The following ATXN1 variants were observed in gnomAD, a reference collection of about 807,000 sequenced individuals.
ATXN1 encodes the protein ataxin-1.
ATXN1 carries 8 observed loss-of-function variants against 56.4 expected under a neutral mutation model. The observed-to-expected ratio is 0.14, with a 90% CI of 0.08 to 0.26. ATXN1 has a LOEUF of 0.26. ATXN1 is among the 10% of genes least tolerant of loss of function. The pLI, the probability that ATXN1 is intolerant of heterozygous loss-of-function variation, is 1.00. For missense variants in ATXN1, 987 were observed against 1,106.5 expected, an observed-to-expected ratio of 0.89 and a Z score of 1.53; for synonymous variants, 514 against 494.6, an observed-to-expected ratio of 1.04 and a Z score of -0.52.
chr6:16,656,633 A>G (rs963721794), intron 3 of ATXN1, among the ~76,000 whole-genome samples: 2 of 152,194 alleles, frequency 1.3e-5, no homozygotes, highest in Non-Finnish European at 2.9e-5. Flanking sequence ...GTATACTTAA[A>G]AGTTACTCAG....
chr6:16,312,820 T>TAAA (rs1760427768), intron 7 of ATXN1, among the ~76,000 whole-genome samples: 1 of 151,518 alleles, frequency 6.6e-6, no homozygotes, highest in Admixed American at 6.6e-5. Flanking sequence ...TCTCCCCCCA[T>TAAA]ACCCCCCTCC....
intron 2 of ATXN1, among the ~76,000 whole-genome samples, chr6:16,721,375 C>T (rs983230776): frequency 1.3e-5 from 2 of 152,162 alleles, no homozygotes; most frequent in Non-Finnish European, 2.9e-5. Context: ...CCTATAATCC[C>T]AGCACTTTGG....
chr6:16,590,605 T>C (rs1020423560), intron 3 of ATXN1, among the ~76,000 whole-genome samples: 3 of 152,182 alleles, frequency 2.0e-5, no homozygotes, highest in South Asian at 4.1e-4. Context: ...ATTTTTCTGA[T>C]TGAGGCTTTT....
At chr6:16,308,905 T>G (rs1760320641) in intron 7 of ATXN1, among the ~76,000 whole-genome samples, 1 of 151,956 alleles carries the variant, frequency 6.6e-6, no homozygotes, top group African/African-American at 2.4e-5. Context: ...GCTTGAGAAT[T>G]TTGATAGGAA....
chr6:16,326,396 G>T lies in ATXN1; in HGVS notation c.1915C>A (p.Gln639Lys). 2 of 1,612,932 alleles carry T rather than the reference G, an allele frequency of 1.2e-6. No individual in the cohort carries two copies. Among genetic ancestry groups the T allele is most frequent in the Non-Finnish European group, 8.5e-7 (1 of 1,179,462 alleles). Residue 639 changes from glutamine to lysine, a missense_variant and splice_region_variant, in exon 7 of 8, where the codon CAG becomes AAG. Gln to Lys is a moderately conservative substitution (Grantham distance 53). Transcript: ENST00000436367. This position sits in a 1 kb window ranked among gnomAD's most constrained non-coding sequence, Gnocchi z 6.6. Reference sequence around the variant, plus strand: ...TGTGCCACCCTGGCTAACGTTACCTGGGCTCGGTGCTCCCCGACGGCGAAC... The same window carrying T: ...TGTGCCACCCTGGCTAACGTTACCTTGGCTCGGTGCTCCCCGACGGCGAAC... ...IQFAVGEHRA[Q>K]VSVEVLVEYP...
At chr6:16,324,776 G>A (rs1036152805) in intron 7 of ATXN1, among the ~76,000 whole-genome samples, 3 of 152,214 alleles carry the variant, frequency 2.0e-5, no homozygotes, top group African/African-American at 4.8e-5. Flanking sequence ...GAAGGAGCCT[G>A]TGGAAATTAA....
intron 6 of ATXN1, among the ~76,000 whole-genome samples, chr6:16,464,850 T>A (rs530755035): frequency 1.3e-5 from 2 of 152,070 alleles, no homozygotes; most frequent in Admixed American, 6.5e-5. Context: ...AAACACAGAA[T>A]GTACAACAGG....
intron 1 of ATXN1, among the ~76,000 whole-genome samples, chr6:16,757,433 T>C (rs1206937480): frequency 2.0e-5 from 3 of 152,358 alleles, no homozygotes; most frequent in Non-Finnish European, 4.4e-5. Flanking sequence ...TTGTGTAATA[T>C]TGACATCCTT....
rs1760989775 is a variant in ATXN1, at chr6:16,506,892, T to C, written c.-299+15735A>G. Among the ~76,000 whole-genome samples, 1 of 152,188 alleles carries C rather than the reference T, an allele frequency of 6.6e-6. No individual in the cohort carries two copies. The highest frequency in any genetic ancestry group is 1.5e-5 in the Non-Finnish European group (1 of 68,036). On this transcript the variant is annotated intron_variant, in intron 5 of 7. Transcript: ENST00000436367. This position sits in a 1 kb window ranked among gnomAD's most constrained non-coding sequence, Gnocchi z 4.1. ...ACGCCATGTAATGAGTTGACACCACTGAAATAAACCAAAGGATGTAGGGAT... is the reference window on the plus strand; with the variant it reads ...ACGCCATGTAATGAGTTGACACCACCGAAATAAACCAAAGGATGTAGGGAT...
chr6:16,454,150 A>C (rs1021207566), intron 6 of ATXN1, among the ~76,000 whole-genome samples: 2 of 150,226 alleles, frequency 1.3e-5, no homozygotes, highest in African/African-American at 4.9e-5. Flanking sequence ...AAAAAAAAAA[A>C]AAAACAGAAG....
chr6:16,737,201 G>C (rs1412329228), intron 2 of ATXN1: 1 of 152,200 alleles, frequency 6.6e-6, no homozygotes, highest in Non-Finnish European at 1.5e-5. Context: ...GCCTGGTTCA[G>C]AAACTTTGCT....
chr6:16,615,312 T>C (rs1475428300), intron 3 of ATXN1: 1 of 151,274 alleles, frequency 6.6e-6, no homozygotes. Context: ...CTTTTTGTCA[T>C]CATCGCATCT....
intron 5 of ATXN1, among the ~76,000 whole-genome samples, chr6:16,491,629 G>A (rs1760667801): frequency 6.6e-6 from 1 of 151,998 alleles, no homozygotes; most frequent in Non-Finnish European, 1.5e-5. Context: ...TATTATGATA[G>A]ACCAAATTCT....
At chr6:16,355,101 A>ACTCTGGGGCAGTTGAACTGC (rs1432186956) in intron 6 of ATXN1, among the ~76,000 whole-genome samples, 2 of 152,118 alleles carry the variant, frequency 1.3e-5, no homozygotes, top group Non-Finnish European at 2.9e-5. Context: ...GAACTGTTTA[A>ACTCTGGGGCAGTTGAACTGC]CTCTGGGGCA....
chr6:16,639,198 G>A (rs569120336), intron 3 of ATXN1, among the ~76,000 whole-genome samples: 23 of 152,260 alleles, frequency 1.5e-4, no homozygotes, highest in East Asian at 1.9e-4. Context: ...GAGACAACCC[G>A]CTCGGGTCCC....
chr6:16,368,296 A>ATG (rs1353289968), intron 6 of ATXN1, among the ~76,000 whole-genome samples: 1 of 146,872 alleles, frequency 6.8e-6, no homozygotes, highest in Non-Finnish European at 1.5e-5. Flanking sequence ...AACCACTTTT[A>ATG]TGTGAGAGAA....
At chr6:16,467,755 A>G (rs1408835235) in intron 6 of ATXN1, among the ~76,000 whole-genome samples, 1 of 152,226 alleles carries the variant, frequency 6.6e-6, no homozygotes, top group Non-Finnish European at 1.5e-5. Flanking sequence ...TTAATGTAGG[A>G]GTATGAAAAA....
chr6:16,566,779 C>A (rs1762230556), intron 4 of ATXN1, among the ~76,000 whole-genome samples: 1 of 152,042 alleles, frequency 6.6e-6, no homozygotes, highest in Admixed American at 6.5e-5. Flanking sequence ...TCGCTTGAAT[C>A]TGGGAGGCAA....
At chr6:16,484,387 T>C (rs1760498935) in intron 6 of ATXN1, among the ~76,000 whole-genome samples, 1 of 152,110 alleles carries the variant, frequency 6.6e-6, no homozygotes, top group Non-Finnish European at 1.5e-5. Flanking sequence ...TGAATCGAGA[T>C]CTTGCCATTG....
Sources: gnomAD v4.1 joint callset for allele counts (sites outside exome capture counted in the v4.1 genomes callset) on GRCh38, gnomAD v4.1.1 for gene constraint, Gnocchi (gnomAD v3.1) non-coding constraint, MANE v1.5 for transcripts, NCBI Gene and HGNC (gene_info 2026-07-23, HGNC 2026-07-21) for gene names.